Variants in DNASE1 observed in about 807,000 individuals in gnomAD.
DNASE1 encodes deoxyribonuclease-1.
Under a neutral mutation model 33.9 loss-of-function variants are expected in DNASE1, and 40 were observed. The observed-to-expected ratio is 1.18, with a 90% CI of 0.92 to 1.54. The LOEUF (loss-of-function observed/expected upper bound fraction) is 1.54. Ranked by LOEUF, DNASE1 falls within the 40% of genes most tolerant of loss-of-function variation. The probability of loss-of-function intolerance (pLI) is 0.00; values close to 1 mark genes in which losing one functional copy is unlikely to be tolerated. For synonymous variants in DNASE1, 216 were observed against 160.0 expected, an observed-to-expected ratio of 1.35 and a Z score of -2.64; for missense variants, 518 against 372.6, an observed-to-expected ratio of 1.39 and a Z score of -3.21.
chr16:3,639,391 C>T (rs542813653), upstream of DNASE1, among the ~76,000 whole-genome samples: 1 of 152,340 alleles, frequency 6.6e-6, no homozygotes, highest in South Asian at 2.1e-4. Context: ...GTGAGTTCAA[C>T]AGCACCCCCA....
rs1487841127 is a variant in DNASE1 at position 3,656,829 on chromosome 16, G to C, written c.436+76G>C. On this transcript the variant is annotated intron_variant, in intron 5 of 8. Coordinates refer to ENST00000246949, the MANE Select transcript of DNASE1 (RefSeq NM_005223.4). Reference sequence around the variant, plus strand: ...CACCCCCTCCTAGGGAACCTGGAATGCCTGTGTCACACACTGCCCTCCCAG... The same window carrying C: ...CACCCCCTCCTAGGGAACCTGGAATCCCTGTGTCACACACTGCCCTCCCAG... The C allele has an allele frequency of 7.1e-6, 11 of 1,544,740 alleles. 1 individual carries two copies. The Admixed American group carries it at 9.7e-5, about 14-fold the overall frequency.
At chr16:3,624,777 C>A (rs933871204) in intron 1 of DNASE1, among the ~76,000 whole-genome samples, 1 of 152,204 alleles carries the variant, frequency 6.6e-6, no homozygotes, top group Non-Finnish European at 1.5e-5. Flanking sequence ...GCCTCCCAGG[C>A]TCAAACAGTC....
intron 1 of DNASE1, among the ~76,000 whole-genome samples, chr16:3,625,134 C>G (rs1157021873): frequency 6.6e-6 from 1 of 152,106 alleles, no homozygotes; most frequent in Admixed American, 6.6e-5. Context: ...TGGTGAAACC[C>G]CGTCTCTACT....
chr16:3,664,575 T>C, exon 10 of DNASE1: 2 of 1,162,700 alleles, frequency 1.7e-6, no homozygotes, highest in Non-Finnish European at 2.4e-6. Context: ...AGGCTGGCCC[T>C]GACCCGAGGG....
chr16:3,645,423 A>G (rs777491358), intron 1 of DNASE1, among the ~76,000 whole-genome samples: 20 of 152,366 alleles, frequency 1.3e-4, no homozygotes, highest in Non-Finnish European at 2.5e-4. Context: ...TTAAATCCTC[A>G]TTGGGAATAT....
At chr16:3,658,302 A>T (rs546986993), downstream of DNASE1, 148 of 1,242,666 alleles carry the variant, frequency 1.2e-4, 2 homozygotes, top group Middle Eastern at 9.4e-4. Flanking sequence ...TTTGAGACAG[A>T]GTCTCACTGT....
chr16:3,624,799 G>T (rs1255996899), intron 1 of DNASE1, among the ~76,000 whole-genome samples: 1 of 152,134 alleles, frequency 6.6e-6, no homozygotes, highest in Non-Finnish European at 1.5e-5. Context: ...TCCCACCTCA[G>T]CCTGTATTCT....
rs2042538905 is a variant in DNASE1 at position 3,655,452 on chromosome 16, GC to G, written c.81del (p.Phe28SerfsTer24). The G allele has an allele frequency of 6.2e-7, 1 of 1,614,022 alleles. No individual in the cohort carries two copies. The highest frequency in any genetic ancestry group is 1.3e-5 in the African/African-American group (1 of 74,932). On this transcript the variant is annotated frameshift_variant, in exon 2 of 9. Transcript: ENST00000246949. LOFTEE classifies it high-confidence loss of function. ...GGGGGCCGTGTCCCTGAAGATCGCA[GC>G]CTTCAACATCCAGACATTTGGGGAG... ...LQGAVSLKIA[A>X]FNIQTFGETK...
chr16:3,657,481 TAAC>T, intron 7 of DNASE1, 140 bp downstream of exon 7: 4 of 1,311,952 alleles, frequency 3.0e-6, no homozygotes, highest in Non-Finnish European at 3.1e-6. Flanking sequence ...GGGAACAGAA[TAAC>T]AAGAGCCACG....
chr16:3,663,417 T>C, exon 10 of DNASE1: 1 of 1,614,034 alleles, frequency 6.2e-7, no homozygotes, highest in Non-Finnish European at 8.5e-7. Context: ...GAGCAGGGGA[T>C]GCCGACCTGG....
At chr16:3,649,393 C>T (rs2151202315) in intron 1 of DNASE1, among the ~76,000 whole-genome samples, 1 of 152,352 alleles carries the variant, frequency 6.6e-6, no homozygotes, top group East Asian at 1.9e-4. Context: ...GAGTTCCTAG[C>T]ATCCCCCTAA....
downstream of DNASE1, chr16:3,658,255 T>C (rs753376902): frequency 5.7e-6 from 9 of 1,580,146 alleles, no homozygotes; most frequent in Admixed American, 1.2e-4. Flanking sequence ...GAGAAACCCA[T>C]TATGAGGGGC....
At chr16:3,635,159 TA>T (rs1484254323) in intron 1 of DNASE1, among the ~76,000 whole-genome samples, 1 of 151,932 alleles carries the variant, frequency 6.6e-6, no homozygotes, top group Non-Finnish European at 1.5e-5. Context: ...AAAAATAAGT[TA>T]AAAATAAGAA....
intron 1 of DNASE1, among the ~76,000 whole-genome samples, chr16:3,630,984 T>C (rs981037892): frequency 1.3e-5 from 2 of 151,826 alleles, no homozygotes; most frequent in Admixed American, 6.6e-5. Context: ...GAAAGACTTA[T>C]GTCATTTTGC....
At chr16:3,629,874 C>G (rs1421242004) in intron 1 of DNASE1, among the ~76,000 whole-genome samples, 1 of 152,142 alleles carries the variant, frequency 6.6e-6, no homozygotes, top group African/African-American at 2.4e-5. Flanking sequence ...AGTGTAGTGG[C>G]ACAATCTTGG....
exon 10 of DNASE1, chr16:3,664,136 C>A (rs1172408138): frequency 3.4e-6 from 3 of 892,990 alleles, no homozygotes; most frequent in African/African-American, 3.4e-5. Context: ...GTCGGTCCGG[C>A]CTCTGTGCCC....
At chr16:3,622,525 C>T (rs970242000) in intron 1 of DNASE1, among the ~76,000 whole-genome samples, 7 of 151,906 alleles carry the variant, frequency 4.6e-5, no homozygotes, top group Admixed American at 1.3e-4. Flanking sequence ...AATCTTTTTC[C>T]TATTGATTTG....
At chr16:3,636,140 A>C (rs112211622) in intron 1 of DNASE1, among the ~76,000 whole-genome samples, 46 of 149,050 alleles carry the variant, frequency 3.1e-4, no homozygotes, top group African/African-American at 1.1e-3. Context: ...TTTCTCTCTG[A>C]GTTTCAGTTT....
chr16:3,663,792 G>C (rs1031910842), exon 10 of DNASE1: 2 of 562,558 alleles, frequency 3.6e-6, no homozygotes, highest in African/African-American at 1.9e-5. Flanking sequence ...ATCCACATGT[G>C]GCTGAGTGCA....
Sources: allele counts gnomAD v4.1 joint callset (sites outside exome capture counted in the v4.1 genomes callset), GRCh38; gene constraint gnomAD v4.1.1; transcripts MANE v1.5; gene names NCBI Gene and HGNC (gene_info 2026-07-23, HGNC 2026-07-21).